CAMK4: variants seen among roughly 807,000 people sequenced by gnomAD.
CAMK4 encodes the protein calcium/calmodulin-dependent protein kinase type IV.
CAMK4 carries 22 observed loss-of-function variants against 44.9 expected under a neutral mutation model. The observed-to-expected ratio is 0.49, with a 90% confidence interval of 0.35 to 0.70. The LOEUF is 0.70. Among genes scored for constraint, CAMK4 ranks in the 30% least tolerant of loss-of-function variants. The pLI is 0.01. For missense variants in CAMK4, 498 were observed against 586.8 expected, an observed-to-expected ratio of 0.85 and a Z score of 1.56; for synonymous variants, 218 against 215.4, an observed-to-expected ratio of 1.01 and a Z score of -0.11.
At chr5:111,280,179 A>G (rs1750949995) in intron 1 of CAMK4, among the ~76,000 whole-genome samples, 1 of 151,896 alleles carries the variant, frequency 6.6e-6, no homozygotes, top group African/African-American at 2.4e-5. Flanking sequence ...CCCAGGCATC[A>G]CAGTAAGAGG....
At chr5:111,243,020 TC>T in intron 1 of CAMK4, among the ~76,000 whole-genome samples, 1 of 152,250 alleles carries the variant, frequency 6.6e-6, no homozygotes, top group East Asian at 1.9e-4. Flanking sequence ...GATTGGGAGC[TC>T]CTCTAAGACT....
intron 1 of CAMK4, among the ~76,000 whole-genome samples, chr5:111,260,320 A>G (rs1749920408): frequency 6.6e-6 from 1 of 152,164 alleles, no homozygotes; most frequent in African/African-American, 2.4e-5. Flanking sequence ...CTGGCATTTC[A>G]TAGTCTTCAT....
chr5:111,279,292 G>A (rs771900479), intron 1 of CAMK4, among the ~76,000 whole-genome samples: 85 of 152,158 alleles, frequency 5.6e-4, no homozygotes, highest in Non-Finnish European at 7.9e-4. Context: ...CCCTGTGACT[G>A]TAGTTCAATT....
chr5:111,336,542 T>C (rs950631363), intron 1 of CAMK4, among the ~76,000 whole-genome samples: 1 of 151,112 alleles, frequency 6.6e-6, no homozygotes, highest in Non-Finnish European at 1.5e-5. Flanking sequence ...GCTTACTCTT[T>C]CTTGCCTTTA....
Position 111,492,924 on chromosome 5 carries a change from C to T in CAMK4, c.*8458C>T, listed in dbSNP as rs747335260. 2 of 152,186 alleles carry T rather than the reference C, an allele frequency of 1.3e-5. No individual in the cohort carries two copies. Among genetic ancestry groups the T allele is most frequent in the Non-Finnish European group, 2.9e-5 (2 of 68,146 alleles). The allele number at this position is 152,186 out of a possible 1,614,324, so 9.4% of individuals were successfully genotyped here. A position where few individuals can be genotyped will look rare whatever the true frequency, so the allele number is the denominator to read the frequency against. The stretch of plus-strand genomic sequence containing the variant: ...TTTTGCCAGGAATGATGAAGGAAAG[C>T]TTTATGGAAACACAGGCTGTATGTG... On this transcript the variant is annotated 3_prime_UTR_variant, in exon 11 of 11. Transcript: ENST00000282356.
intron 1 of CAMK4, among the ~76,000 whole-genome samples, chr5:111,335,805 T>C (rs1319798112): frequency 6.6e-6 from 1 of 151,436 alleles, no homozygotes; most frequent in African/African-American, 2.4e-5. Context: ...ATTTTGTATA[T>C]GTATGTACAC....
At chr5:111,296,478 G>A (rs1477505066) in intron 1 of CAMK4, among the ~76,000 whole-genome samples, 4 of 152,178 alleles carry the variant, frequency 2.6e-5, no homozygotes, top group Admixed American at 2.6e-4. Context: ...GGGGCAGATA[G>A]CAAACTTTAA....
At chr5:111,461,034 A>G (rs931263376) in intron 7 of CAMK4, among the ~76,000 whole-genome samples, 2 of 152,202 alleles carry the variant, frequency 1.3e-5, no homozygotes, top group Non-Finnish European at 2.9e-5. Context: ...TTAACAGCTT[A>G]AATGAAAAAC....
At chr5:111,354,180 G>A (rs955473090) in intron 2 of CAMK4, among the ~76,000 whole-genome samples, 4 of 152,018 alleles carry the variant, frequency 2.6e-5, no homozygotes, top group African/African-American at 7.2e-5. Context: ...AAATATGCTG[G>A]ACACAAAGTC....
intron 4 of CAMK4, among the ~76,000 whole-genome samples, chr5:111,378,130 A>G (rs1226672464): frequency 6.6e-6 from 1 of 152,050 alleles, no homozygotes; most frequent in Non-Finnish European, 1.5e-5. Flanking sequence ...GGAGCCCTCC[A>G]GAATGAGATT....
At position 111,400,015 on chromosome 5, in the gene CAMK4, G is replaced by A. The variant is rs145878736; in HGVS notation, c.459+5233G>A. ...AGTCCAAGAAGGGATGTTCCAGATA[G>A]GGGTGCCCCACATAACACAGAAGGA... On this transcript the variant is annotated intron_variant, in intron 5 of 10. Transcript: ENST00000282356. Among the ~76,000 whole-genome samples the A allele has an allele frequency of 2.0e-5, 3 of 152,314 alleles. 1 individual carries two copies. The East Asian group carries it at 5.8e-4, about 29-fold the overall frequency.
chr5:111,427,512 G>A (rs1753270478), intron 5 of CAMK4, among the ~76,000 whole-genome samples: 1 of 152,180 alleles, frequency 6.6e-6, no homozygotes, highest in Non-Finnish European at 1.5e-5. Flanking sequence ...ACCCCAGAGG[G>A]GAGCCCACTG....
chr5:111,297,466 C>T (rs116439972), intron 1 of CAMK4, among the ~76,000 whole-genome samples: 1 of 152,272 alleles, frequency 6.6e-6, no homozygotes, highest in African/African-American at 2.4e-5. Context: ...CAGTGTCCTG[C>T]TGAGCCATAT....
At chr5:111,389,613 G>A (rs1235854254) in intron 4 of CAMK4, among the ~76,000 whole-genome samples, 6 of 152,168 alleles carry the variant, frequency 3.9e-5, no homozygotes, top group Admixed American at 3.9e-4. Context: ...AGTGCCCTCT[G>A]GAAAAGTACT....
chr5:111,315,612 A>G (rs1408062658), intron 1 of CAMK4, among the ~76,000 whole-genome samples: 4 of 152,124 alleles, frequency 2.6e-5, no homozygotes, highest in South Asian at 4.1e-4. Flanking sequence ...TTTTGTATAT[A>G]AAGGAACTCT....
chr5:111,243,800 T>TA (rs1194434875), intron 1 of CAMK4, among the ~76,000 whole-genome samples: 2 of 152,208 alleles, frequency 1.3e-5, no homozygotes, highest in Non-Finnish European at 2.9e-5. Context: ...CCTCGTAATG[T>TA]AAAAAATACT....
chr5:111,368,836 C>G (rs1750894783), intron 2 of CAMK4, among the ~76,000 whole-genome samples: 1 of 151,954 alleles, frequency 6.6e-6, no homozygotes, highest in African/African-American at 2.4e-5. Flanking sequence ...TCAGCCTCCA[C>G]CAAACTATGC....
chr5:111,315,989 T>C (rs1190225266), intron 1 of CAMK4, among the ~76,000 whole-genome samples: 2 of 152,154 alleles, frequency 1.3e-5, no homozygotes, highest in East Asian at 3.9e-4. Flanking sequence ...ATGCTATTTT[T>C]AATTAATGCA....
chr5:111,405,578 A>G (rs1206556734), intron 5 of CAMK4, among the ~76,000 whole-genome samples: 2 of 152,252 alleles, frequency 1.3e-5, no homozygotes, highest in African/African-American at 4.8e-5. Flanking sequence ...GGAACATAAT[A>G]AAGGTACAAA....
Sources: gnomAD v4.1 joint callset for allele counts (sites outside exome capture counted in the v4.1 genomes callset) on GRCh38, gnomAD v4.1.1 for gene constraint, MANE v1.5 for transcripts, NCBI Gene and HGNC (gene_info 2026-07-23, HGNC 2026-07-21) for gene names.